ASIC2: variants seen among roughly 807,000 people sequenced by gnomAD.
ASIC2 encodes acid sensing ion channel subunit 2.
ASIC2 carries 25 observed loss-of-function variants against 57.3 expected under a neutral mutation model. That is an observed-to-expected ratio of 0.44 (90% confidence interval 0.32 to 0.61). The LOEUF is 0.61. Ranked by LOEUF, ASIC2 falls within the 20% of genes least tolerant of loss-of-function variation. The probability of loss-of-function intolerance (pLI) is 0.06; values close to 1 mark genes in which losing one functional copy is unlikely to be tolerated. For missense variants in ASIC2, 641 were observed against 738.1 expected (o/e 0.87, Z 1.52); for synonymous variants, 319 against 307.5 (o/e 1.04, Z -0.39).
At chr17:33,993,056 C>T (rs1315113032) in intron 1 of ASIC2, among the ~76,000 whole-genome samples, 1 of 152,120 alleles carries the variant, frequency 6.6e-6, no homozygotes, top group Non-Finnish European at 1.5e-5. Flanking sequence ...ATTTTCTATG[C>T]CCACATGATT....
At chr17:33,555,943 T>C (rs181908313) in intron 1 of ASIC2, among the ~76,000 whole-genome samples, 8 of 152,316 alleles carry the variant, frequency 5.3e-5, no homozygotes, top group African/African-American at 1.7e-4. Flanking sequence ...TCCAGGACCT[T>C]AGAATCCAGG....
intron 1 of ASIC2, among the ~76,000 whole-genome samples, chr17:33,133,154 A>G (rs1035240932): frequency 1.3e-5 from 2 of 152,228 alleles, no homozygotes; most frequent in Non-Finnish European, 2.9e-5. Context: ...CGATCAGAAA[A>G]GGCTCATGGA....
At chr17:34,034,907 G>A (rs967357233) in intron 1 of ASIC2, among the ~76,000 whole-genome samples, 2 of 152,124 alleles carry the variant, frequency 1.3e-5, no homozygotes, top group African/African-American at 4.8e-5. Context: ...TGGATAGGAA[G>A]AATCAATATC....
intron 1 of ASIC2, among the ~76,000 whole-genome samples, chr17:33,805,063 A>G (rs1912232416): frequency 6.6e-6 from 1 of 152,088 alleles, no homozygotes; most frequent in Non-Finnish European, 1.5e-5. Context: ...TATGTTCCAG[A>G]ACTTCTGGAA....
chr17:33,988,461 C>T (rs1330752556), intron 1 of ASIC2, among the ~76,000 whole-genome samples: 5 of 152,164 alleles, frequency 3.3e-5, no homozygotes, highest in South Asian at 2.1e-4. Flanking sequence ...CCTTGCCTTC[C>T]GCCATGATTG....
In ASIC2 at chr17:33,418,024, ATGTATG is replaced by A. The variant is rs1354023317; in HGVS notation, c.556-305963_556-305958del. On this transcript the variant is annotated intron_variant, in intron 1 of 9. Coordinates refer to the ASIC2 transcript ENST00000359872. ...GGCCCCACTCTGGCTCTCAGCATGT[ATGTATG>A]TGTGTGTGTGTGTGTGTGTGTGTGT... Among the ~76,000 whole-genome samples the A allele has an allele frequency of 3.8e-3, 420 of 110,356 alleles. 4 individuals are homozygous for A. Among genetic ancestry groups the A allele is most frequent in the Non-Finnish European group, 5.4e-3 (249 of 46,456 alleles). The allele number at this position is 110,356 out of a possible 152,430, so 72.4% of individuals were successfully genotyped here.
At chr17:33,799,447 T>C (rs1314776213) in intron 1 of ASIC2, among the ~76,000 whole-genome samples, 4 of 87,946 alleles carry the variant, frequency 4.5e-5, no homozygotes, top group African/African-American at 2.1e-4. Context: ...TCTTTCTTTC[T>C]TTCTTTCTTT....
At chr17:33,579,105 T>TG (rs34287633) in intron 1 of ASIC2, among the ~76,000 whole-genome samples, 14,173 of 151,894 alleles carry the variant, frequency 0.093, 1,367 homozygotes, top group African/African-American at 0.24. Context: ...GCCAACATGG[T>TG]GAAACCCCGT....
At chr17:33,317,007 C>T (rs1293701618) in intron 1 of ASIC2, among the ~76,000 whole-genome samples, 1 of 152,228 alleles carries the variant, frequency 6.6e-6, no homozygotes, top group Non-Finnish European at 1.5e-5. Context: ...GGACCAGCTT[C>T]AGAGACCTGG....
intron 1 of ASIC2, among the ~76,000 whole-genome samples, chr17:33,654,910 G>A (rs900174898): frequency 2.6e-5 from 4 of 152,110 alleles, no homozygotes; most frequent in Admixed American, 6.5e-5. Context: ...TGGGAGGTTC[G>A]CTTGAGACCA....
intron 1 of ASIC2, among the ~76,000 whole-genome samples, chr17:34,085,088 G>A (rs1251199306): frequency 1.3e-5 from 2 of 152,184 alleles, no homozygotes; most frequent in African/African-American, 4.8e-5. Context: ...GGATAGGAGT[G>A]GTGAGAGAGG....
chr17:34,140,695 A>G (rs929194055), intron 1 of ASIC2, among the ~76,000 whole-genome samples: 9 of 152,344 alleles, frequency 5.9e-5, no homozygotes, highest in Admixed American at 6.5e-5. Context: ...AAAATAAACA[A>G]TATTATCAGA....
intron 1 of ASIC2, among the ~76,000 whole-genome samples, chr17:33,652,948 G>C (rs1178126889): frequency 1.3e-5 from 2 of 152,160 alleles, no homozygotes; most frequent in Non-Finnish European, 2.9e-5. Flanking sequence ...ATAGGGGTTG[G>C]TATCAAGAGA....
chr17:33,555,560 G>T (rs1915882772), intron 1 of ASIC2, among the ~76,000 whole-genome samples: 1 of 152,148 alleles, frequency 6.6e-6, no homozygotes, highest in East Asian at 1.9e-4. Context: ...GAAAAGCTGA[G>T]AGGTGCAGGA....
intron 1 of ASIC2, among the ~76,000 whole-genome samples, chr17:33,141,658 G>T (rs898000331): frequency 6.6e-6 from 1 of 152,306 alleles, no homozygotes; most frequent in South Asian, 2.1e-4. Context: ...AGAAGAAGGG[G>T]TTCCTAGAGG....
chr17:33,973,976 G>C (rs546728649), intron 1 of ASIC2, among the ~76,000 whole-genome samples: 1 of 152,116 alleles, frequency 6.6e-6, no homozygotes, highest in South Asian at 2.1e-4. Flanking sequence ...CCAGGGGAAG[G>C]AAAGTTCTGA....
At chr17:33,284,728 G>A (rs1001902694) in intron 1 of ASIC2, among the ~76,000 whole-genome samples, 1 of 152,150 alleles carries the variant, frequency 6.6e-6, no homozygotes, top group Non-Finnish European at 1.5e-5. Context: ...CAGATGCATG[G>A]CTTTGTACCT....
At chr17:33,709,366 A>C (rs539980262) in intron 1 of ASIC2, among the ~76,000 whole-genome samples, 2 of 152,358 alleles carry the variant, frequency 1.3e-5, no homozygotes, top group East Asian at 3.9e-4. Flanking sequence ...AGATGTGTTA[A>C]AAATCTTTAG....
At chr17:33,977,149 T>C (rs1253759524) in intron 1 of ASIC2, among the ~76,000 whole-genome samples, 2 of 152,052 alleles carry the variant, frequency 1.3e-5, no homozygotes, top group Non-Finnish European at 2.9e-5. Context: ...AGATATTCCC[T>C]ACACCGAGAA....
Sources: gnomAD v4.1 joint callset for allele counts (sites outside exome capture counted in the v4.1 genomes callset) on GRCh38, gnomAD v4.1.1 for gene constraint, MANE v1.5 for transcripts, NCBI Gene and HGNC (gene_info 2026-07-23, HGNC 2026-07-21) for gene names.